SCAF11: variants seen among roughly 807,000 people sequenced by gnomAD.
The protein encoded by SCAF11 is SR-related CTD associated factor 11.
SCAF11 carries 47 observed loss-of-function variants against 140.5 expected under a neutral mutation model. The observed-to-expected ratio is 0.33, with a 90% CI of 0.26 to 0.43. The LOEUF (loss-of-function observed/expected upper bound fraction) is 0.43, where lower values mean the gene tolerates loss of function less well. Ranked by LOEUF, SCAF11 falls within the 20% of genes least tolerant of loss-of-function variation. SCAF11 has a pLI of 1.00. For synonymous variants in SCAF11, 557 were observed against 579.4 expected (o/e 0.96, Z 0.55); for missense variants, 1,645 against 1,705.1 (o/e 0.96, Z 0.62).
intron 3 of SCAF11, among the ~76,000 whole-genome samples, chr12:45,953,664 G>T (rs1433820938): frequency 6.6e-6 from 1 of 151,962 alleles, no homozygotes; most frequent in African/African-American, 2.4e-5. Context: ...TTAAAAAAAG[G>T]TTATGTGGTA....
intron 13 of SCAF11, 49 bp downstream of exon 13, chr12:45,922,887 C>T: frequency 6.5e-7 from 1 of 1,529,938 alleles, no homozygotes; most frequent in Non-Finnish European, 9.1e-7. Context: ...TATTTTTTCT[C>T]CTTTATCATA....
At chr12:45,951,557 G>T in intron 4 of SCAF11, 93 bp downstream of exon 4, 1 of 801,222 alleles carries the variant, frequency 1.2e-6, no homozygotes, top group South Asian at 2.0e-5. Context: ...ACCTTAAGTT[G>T]AACAATTTTC....
chr12:45,947,541 T>G (rs1287874036), intron 5 of SCAF11, among the ~76,000 whole-genome samples: 1 of 152,248 alleles, frequency 6.6e-6, no homozygotes, highest in Non-Finnish European at 1.5e-5. Flanking sequence ...TGTGCTATAC[T>G]ATTAGGTATT....
At chr12:45,935,172 T>C (rs1401514036) in intron 6 of SCAF11, 6 of 152,250 alleles carry the variant, frequency 3.9e-5, no homozygotes, top group African/African-American at 1.4e-4. Context: ...CCTATTGACA[T>C]TGTTCAAAAT....
At chr12:45,985,528 CTA>C (rs1946442433) in intron 1 of SCAF11, among the ~76,000 whole-genome samples, 1 of 152,122 alleles carries the variant, frequency 6.6e-6, no homozygotes, top group African/African-American at 2.4e-5. Flanking sequence ...ATGGACCCAG[CTA>C]TAGATACTTA....
At chr12:45,952,499 T>C (rs1160559055) in intron 3 of SCAF11, among the ~76,000 whole-genome samples, 2 of 152,212 alleles carry the variant, frequency 1.3e-5, no homozygotes, top group South Asian at 2.1e-4. Context: ...TAGGTTCTTA[T>C]TAAGTTGCTA....
At chr12:45,973,003 TATATATATAG>T (rs1180722248) in intron 1 of SCAF11, among the ~76,000 whole-genome samples, 1 of 88,258 alleles carries the variant, frequency 1.1e-5, no homozygotes, top group East Asian at 5.2e-4. Context: ...GATATATAGA[TATATATATAG>T]ATATATAGAT....
rs1274734065 is a variant in SCAF11 at position 45,972,872 on chromosome 12, A to C, written c.-21-8684T>G. Reference sequence around the variant, plus strand: ...AGTATATATATATATATCGATATATATATATATAGATATATATATAGATAT... The same window carrying C: ...AGTATATATATATATATCGATATATCTATATATAGATATATATATAGATAT... On this transcript the variant is annotated intron_variant, in intron 1 of 14. Coordinates refer to ENST00000369367, the MANE Select transcript of SCAF11 (RefSeq NM_004719.3). 6.2e-4 allele frequency among the ~76,000 whole-genome samples: 31 copies of C among 50,336 alleles called. 2 individuals carry two copies. The South Asian group carries it at 0.015, about 24-fold the overall frequency. The allele number at this position is 50,336 out of a possible 152,430, so 33.0% of individuals were successfully genotyped here.
intron 5 of SCAF11, among the ~76,000 whole-genome samples, chr12:45,946,235 T>C (rs1053029612): frequency 2.0e-5 from 3 of 152,126 alleles, no homozygotes; most frequent in Non-Finnish European, 4.4e-5. Context: ...GTAAAAAGTA[T>C]CAGAAACAGA....
intron 1 of SCAF11, among the ~76,000 whole-genome samples, chr12:45,964,811 G>C (rs1945906521): frequency 6.6e-6 from 1 of 152,208 alleles, no homozygotes; most frequent in Non-Finnish European, 1.5e-5. Flanking sequence ...GAATGTGATA[G>C]GTTAGATGTG....
At chr12:45,955,929 T>C (rs1414696409) in intron 3 of SCAF11, 16 of 576,174 alleles carry the variant, frequency 2.8e-5, no homozygotes, top group Non-Finnish European at 4.6e-5. Context: ...AGAGCATATG[T>C]TTTACTGTGA....
intron 3 of SCAF11, chr12:45,961,227 C>G (rs1945817617): frequency 1.5e-6 from 1 of 680,196 alleles, no homozygotes; most frequent in Non-Finnish European, 2.7e-6. Context: ...ATCCAAGTTT[C>G]CTCATCTGTA....
At chr12:45,945,031 A>G in intron 6 of SCAF11, 3 of 518,746 alleles carry the variant, frequency 5.8e-6, no homozygotes, top group Non-Finnish European at 1.0e-5. Context: ...ACACACGCAC[A>G]CACACACCCC....
At chr12:45,989,465 A>C (rs1411825950) in intron 1 of SCAF11, among the ~76,000 whole-genome samples, 3 of 152,260 alleles carry the variant, frequency 2.0e-5, no homozygotes, top group Non-Finnish European at 4.4e-5. Flanking sequence ...ATGTAATACA[A>C]TACGGAAATA....
rs1944669892 is a variant in SCAF11 at position 45,920,045 on chromosome 12, CA to C, written c.*2002del. ...GGAGGTGTGCCTTGATATTCTGAAA[CA>C]CTGTCTTAATACTTTATTAGAAGAA... On this transcript the variant is annotated 3_prime_UTR_variant, in exon 15 of 15. Transcript: ENST00000369367. 6.6e-6 allele frequency: 1 copy of C among 152,172 alleles called. No individual in the cohort carries two copies. Among genetic ancestry groups the C allele is most frequent in the Admixed American group, 6.5e-5 (1 of 15,274 alleles). 9.4% of individuals were successfully genotyped at this position (152,172 alleles called of 1,614,324 possible).
At chr12:45,934,403 A>G in intron 7 of SCAF11, 44 bp downstream of exon 7, 1 of 1,483,784 alleles carries the variant, frequency 6.7e-7, no homozygotes, top group East Asian at 2.3e-5. Context: ...ATAACCCTAA[A>G]GTGTTATCAT....
At position 45,924,832 on chromosome 12, in the gene SCAF11, T is replaced by G. The variant is rs1485052457; in HGVS notation, c.3802A>C (p.Thr1268Pro). ...AGTCCCTGAGATACACTGGTAGGAG[T>G]GGCTACCTGCATGAGGGGCACTCCT... ...HTGVPLMQVATPTSVSQGLPP... is the reference protein window; with the variant it reads ...HTGVPLMQVAPPTSVSQGLPP... The change falls in exon 12 of 15, where the codon ACT (threonine) becomes CCT (proline). Residue 1268 changes from threonine to proline, a missense_variant. Transcript: ENST00000369367. The G allele has an allele frequency of 6.2e-7, 1 of 1,613,116 alleles. No individual in the cohort carries two copies. Among genetic ancestry groups the G allele is most frequent in the Non-Finnish European group, 8.5e-7 (1 of 1,179,762 alleles).
chr12:45,961,320 TC>T (rs1945820224), intron 3 of SCAF11: 2 of 715,784 alleles, frequency 2.8e-6, no homozygotes, highest in Non-Finnish European at 5.2e-6. Flanking sequence ...ATGTGAAAAG[TC>T]CCTGAAAAAT....
intron 1 of SCAF11, among the ~76,000 whole-genome samples, chr12:45,979,208 C>T (rs1946299578): frequency 6.7e-6 from 1 of 149,782 alleles, no homozygotes; most frequent in African/African-American, 2.4e-5. Flanking sequence ...AGGGCAGAGC[C>T]CTCACAGCCT....
Sources: allele counts gnomAD v4.1 joint callset (sites outside exome capture counted in the v4.1 genomes callset), GRCh38; gene constraint gnomAD v4.1.1; transcripts MANE v1.5; gene names NCBI Gene and HGNC (gene_info 2026-07-23, HGNC 2026-07-21).